ATOSB: variants seen among roughly 807,000 people sequenced by gnomAD.
The protein encoded by ATOSB is atos homolog protein B.
the ATOSB span, chr9:35,111,112 G>C: frequency 6.5e-6 from 1 of 153,030 alleles, no homozygotes; most frequent in East Asian, 1.9e-4. Context: ...AAGCCAGGCA[G>C]ACTCACCTGA....
the ATOSB span, chr9:35,108,757 C>A: frequency 9.5e-4 from 888 of 939,504 alleles, 1 homozygote; most frequent in Non-Finnish European, 9.0e-4. Context: ...GAAGAACAGA[C>A]GTAAGCCAGG....
the ATOSB span, chr9:35,106,276 C>T: frequency 6.2e-7 from 1 of 1,614,046 alleles, no homozygotes; most frequent in South Asian, 1.1e-5. The surrounding 1 kb of genome is among the most constrained non-coding windows in gnomAD (Gnocchi z 4.6). Flanking sequence ...GGGCATTTTG[C>T]TCAGAAACAT....
At chr9:35,107,980 C>T in the ATOSB span, 13 of 1,599,112 alleles carry the variant, frequency 8.1e-6, no homozygotes, top group African/African-American at 1.3e-5. Flanking sequence ...AAGAGCCCCA[C>T]AGTAGATGGT....
chr9:35,104,548 ACT>A, the ATOSB span: 1 of 286,762 alleles, frequency 3.5e-6, no homozygotes, highest in Non-Finnish European at 7.8e-6. Flanking sequence ...ATACATGCAC[ACT>A]CACACACACA....
chr9:35,116,270 T>C, the ATOSB span: 2 of 152,244 alleles, frequency 1.3e-5, no homozygotes, highest in South Asian at 4.1e-4. Context: ...ACCCGGGCGG[T>C]CGCACTCCAA....
the ATOSB span, chr9:35,109,225 G>A: frequency 6.6e-6 from 1 of 152,312 alleles, no homozygotes; most frequent in Non-Finnish European, 1.5e-5. Flanking sequence ...GTCCTCAGAG[G>A]TACAAATTTC....
the ATOSB span, chr9:35,107,654 A>G: frequency 2.5e-6 from 4 of 1,606,798 alleles, no homozygotes; most frequent in Non-Finnish European, 3.4e-6. Context: ...GGCTACCCCC[A>G]TTGCCCACCC....
chr9:35,114,059 A>G, the ATOSB span, among the ~76,000 whole-genome samples: 3 of 152,164 alleles, frequency 2.0e-5, no homozygotes, highest in African/African-American at 7.2e-5. Context: ...CAGCTCTACA[A>G]TTCTAATGAC....
the ATOSB span, chr9:35,105,664 C>T: frequency 6.2e-7 from 1 of 1,611,782 alleles, no homozygotes; most frequent in Non-Finnish European, 8.5e-7. This position sits in a 1 kb window ranked among gnomAD's most constrained non-coding sequence, Gnocchi z 5.5. Context: ...CCCAGCCATC[C>T]CTGGGCCCTC....
At chr9:35,105,005 A>G in the ATOSB span, 1 of 439,636 alleles carries the variant, frequency 2.3e-6, no homozygotes, top group Non-Finnish European at 4.0e-6. The surrounding 1 kb of genome is among the most constrained non-coding windows in gnomAD (Gnocchi z 5.5). Context: ...GGCCTGGGAA[A>G]CCCAAGGGAG....
chr9:35,107,213 C>T, the ATOSB span, among the ~76,000 whole-genome samples: 1 of 147,064 alleles, frequency 6.8e-6, no homozygotes, highest in African/African-American at 2.5e-5. Flanking sequence ...GTCCCAGATA[C>T]TTGGGAGGCT....
chr9:35,105,514 A>G, the ATOSB span: 2 of 1,148,526 alleles, frequency 1.7e-6, no homozygotes, highest in South Asian at 3.1e-5. The surrounding 1 kb of genome is among the most constrained non-coding windows in gnomAD (Gnocchi z 5.5). Context: ...CAACATAGCG[A>G]GACCCCATCT....
the ATOSB span, chr9:35,108,675 ATG>A: frequency 9.9e-7 from 1 of 1,009,262 alleles, no homozygotes; most frequent in Non-Finnish European, 1.2e-6. Flanking sequence ...AGTCTGATCC[ATG>A]CCTGCTGCAC....
the ATOSB span, chr9:35,107,998 G>A: frequency 1.9e-6 from 3 of 1,580,502 alleles, no homozygotes; most frequent in South Asian, 2.3e-5. Flanking sequence ...GGTTCTTCAG[G>A]GGGTAGTCCC....
At chr9:35,106,222 G>A in the ATOSB span, 2 of 1,612,406 alleles carry the variant, frequency 1.2e-6, no homozygotes, top group Non-Finnish European at 1.7e-6. This position sits in a 1 kb window ranked among gnomAD's most constrained non-coding sequence, Gnocchi z 4.6. Context: ...CTCTTGATGA[G>A]CTGACTTTGG....
the ATOSB span, chr9:35,108,200 C>G: frequency 6.3e-7 from 1 of 1,595,084 alleles, no homozygotes; most frequent in Non-Finnish European, 8.5e-7. Context: ...GGAGGGCCCC[C>G]TGCCTGACTG....
chr9:35,107,844 G>A, the ATOSB span: 8 of 1,598,300 alleles, frequency 5.0e-6, no homozygotes, highest in Admixed American at 1.4e-4. Context: ...TGGGGGGCAG[G>A]GGGGACTCCA....
chr9:35,112,793 C>G, the ATOSB span, among the ~76,000 whole-genome samples: 38 of 152,236 alleles, frequency 2.5e-4, no homozygotes, highest in African/African-American at 8.7e-4. Context: ...TCAGAGGCCA[C>G]AGAGAGCCCA....
At chr9:35,114,223 G>A in the ATOSB span, among the ~76,000 whole-genome samples, 2 of 152,182 alleles carry the variant, frequency 1.3e-5, no homozygotes, top group African/African-American at 4.8e-5. Flanking sequence ...AACCGCCCCA[G>A]TCCTGAGGAA....
Sources: gnomAD v4.1 joint callset for allele counts (sites outside exome capture counted in the v4.1 genomes callset) on GRCh38, gnomAD v4.1.1 for gene constraint, Gnocchi (gnomAD v3.1) non-coding constraint, MANE v1.5 for transcripts, NCBI Gene and HGNC (gene_info 2026-07-23, HGNC 2026-07-21) for gene names.